The following LTBP1 variants were observed in gnomAD, a reference collection of about 807,000 sequenced individuals.
The protein encoded by LTBP1 is latent transforming growth factor beta binding protein 1, also known as latent-transforming growth factor beta-binding protein 1.
A neutral mutation model predicts 207.6 loss-of-function variants in LTBP1; 129 were observed. The ratio of observed to expected loss-of-function variants is 0.62; its 90% CI spans 0.54 to 0.72. LTBP1 has a LOEUF of 0.72. Ranked by LOEUF, LTBP1 falls within the 30% of genes least tolerant of loss-of-function variation. The probability of loss-of-function intolerance (pLI) is 0.00; values close to 1 mark genes in which losing one functional copy is unlikely to be tolerated. For synonymous variants in LTBP1, 963 were observed against 833.7 expected (o/e 1.16, Z -2.67); for missense variants, 2,281 against 2,217.2 (o/e 1.03, Z -0.58).
intron 4 of LTBP1, among the ~76,000 whole-genome samples, chr2:33,118,584 G>A (rs2080913082): frequency 6.6e-6 from 1 of 152,188 alleles, no homozygotes; most frequent in Non-Finnish European, 1.5e-5. Context: ...TTTTTGGTTT[G>A]AAAGCCTAGA....
chr2:33,235,777 A>T (rs2092014528), intron 9 of LTBP1, among the ~76,000 whole-genome samples: 1 of 152,234 alleles, frequency 6.6e-6, no homozygotes, highest in Non-Finnish European at 1.5e-5. Context: ...GCTGGAAACC[A>T]TCATTCTTAG....
chr2:33,260,011 T>G (rs2092967757), intron 13 of LTBP1, among the ~76,000 whole-genome samples: 1 of 152,218 alleles, frequency 6.6e-6, no homozygotes, highest in Non-Finnish European at 1.5e-5. Flanking sequence ...GTTAGTGAAG[T>G]ACTTCTTAGT....
intron 2 of LTBP1, among the ~76,000 whole-genome samples, chr2:33,002,376 A>C (rs904067738): frequency 1.3e-5 from 2 of 152,144 alleles, no homozygotes; most frequent in Admixed American, 6.5e-5. Context: ...TTGGGTGGGT[A>C]AGGACAGGTA....
intron 2 of LTBP1, among the ~76,000 whole-genome samples, chr2:32,980,884 T>C (rs1189192784): frequency 1.3e-5 from 2 of 152,226 alleles, no homozygotes; most frequent in African/African-American, 4.8e-5. Context: ...TTTCAGGACT[T>C]TAAATATGTC....
At chr2:33,284,862 A>G (rs2093631890) in intron 19 of LTBP1, among the ~76,000 whole-genome samples, 1 of 152,188 alleles carries the variant, frequency 6.6e-6, no homozygotes, top group South Asian at 2.1e-4. Context: ...CTTTCTTGCC[A>G]GAATGAAGTA....
At chr2:32,989,831 A>G (rs1003714995) in intron 2 of LTBP1, among the ~76,000 whole-genome samples, 6 of 152,206 alleles carry the variant, frequency 3.9e-5, no homozygotes, top group African/African-American at 1.4e-4. Context: ...TAGCATCCTC[A>G]TTGGTAAATG....
At chr2:32,998,172 C>T (rs1020581482) in intron 2 of LTBP1, among the ~76,000 whole-genome samples, 1 of 152,082 alleles carries the variant, frequency 6.6e-6, no homozygotes, top group African/African-American at 2.4e-5. Context: ...GCCTGGCGAC[C>T]TCTGTTTTTG....
intron 5 of LTBP1, among the ~76,000 whole-genome samples, chr2:33,177,659 C>A (rs112751612): frequency 0.052 from 7,951 of 152,150 alleles, 685 homozygotes; most frequent in African/African-American, 0.18. Context: ...CAGAGTGAGA[C>A]CTTGTCTCAA....
chr2:33,284,586 A>G (rs561333132), intron 19 of LTBP1, among the ~76,000 whole-genome samples: 5 of 152,260 alleles, frequency 3.3e-5, no homozygotes, highest in South Asian at 4.2e-4. Context: ...GGCTATTTCA[A>G]CCAAGTCCTT....
intron 20 of LTBP1, among the ~76,000 whole-genome samples, chr2:33,297,688 T>C (rs1310696619): frequency 2.6e-5 from 4 of 152,084 alleles, no homozygotes; most frequent in African/African-American, 7.2e-5. Flanking sequence ...CCTCCCAAAG[T>C]GCTGGTATTA....
intron 21 of LTBP1, among the ~76,000 whole-genome samples, chr2:33,300,974 A>T (rs987174746): frequency 1.3e-5 from 2 of 152,120 alleles, no homozygotes; most frequent in African/African-American, 4.8e-5. Context: ...TTTGTATTTA[A>T]CGTTGAAAAA....
intron 5 of LTBP1, among the ~76,000 whole-genome samples, chr2:33,151,855 G>T (rs868176856): frequency 1.3e-5 from 2 of 149,826 alleles, no homozygotes; most frequent in African/African-American, 2.5e-5. Context: ...GTGTGTGTGT[G>T]TGTGTGTGTG....
chr2:33,254,270 G>A (rs1276184403), intron 11 of LTBP1, among the ~76,000 whole-genome samples: 4 of 151,912 alleles, frequency 2.6e-5, no homozygotes, highest in Non-Finnish European at 1.5e-5. Context: ...AATTTATTAT[G>A]CGTATTATTT....
At chr2:32,969,227 ATTTG>A (rs1368126454) in intron 2 of LTBP1, among the ~76,000 whole-genome samples, 1,661 of 92,610 alleles carry the variant, frequency 0.018, 25 homozygotes, top group African/African-American at 0.034. Flanking sequence ...CACCTGGCCA[ATTTG>A]TGTGTGTGTG....
chr2:32,993,742 G>A (rs182633656), intron 2 of LTBP1, among the ~76,000 whole-genome samples: 2,123 of 152,258 alleles, frequency 0.014, 147 homozygotes, highest in Admixed American at 0.13. Flanking sequence ...GGGAAGCGCT[G>A]GGGGTCAGGG....
At chr2:33,046,186 T>G (rs1328371012) in intron 3 of LTBP1, among the ~76,000 whole-genome samples, 2 of 152,230 alleles carry the variant, frequency 1.3e-5, no homozygotes, top group African/African-American at 4.8e-5. Context: ...ATTCTTGTCT[T>G]GTGATGGTTT....
rs1558898408 is a variant in LTBP1 at position 33,257,426 on chromosome 2, T to C, written c.2310T>C (p.His770=). 1 of 1,614,192 alleles carries C rather than the reference T, an allele frequency of 6.2e-7. No homozygotes were observed. The highest frequency in any genetic ancestry group is 2.2e-5 in the East Asian group (1 of 44,878). The change falls in exon 12 of 34, where the codon CAT becomes CAC. Residue 770 remains histidine (H), a synonymous_variant. Coordinates refer to ENST00000404816, the MANE Select transcript of LTBP1 (RefSeq NM_206943.4). ...CTCAACCTGTTGCTAAAAGTACTCA[T>C]CCTCCACCTCTCCCAGCCAAGGAAG... ...KNTQPVAKST[H]PPPLPAKEEP... is the part of the protein sequence containing the mutation.
At chr2:32,982,474 C>A (rs1682911154) in intron 2 of LTBP1, among the ~76,000 whole-genome samples, 1 of 152,196 alleles carries the variant, frequency 6.6e-6, no homozygotes, top group Admixed American at 6.5e-5. Flanking sequence ...GAGCCCAAGA[C>A]AGTGGGCTTA....
chr2:32,977,905 T>C (rs1292069164), intron 2 of LTBP1, among the ~76,000 whole-genome samples: 4 of 152,218 alleles, frequency 2.6e-5, no homozygotes, highest in African/African-American at 9.6e-5. Flanking sequence ...CATCAATGTT[T>C]TGTAGTTTTC....
Sources: allele counts gnomAD v4.1 joint callset (sites outside exome capture counted in the v4.1 genomes callset), GRCh38; gene constraint gnomAD v4.1.1; transcripts MANE v1.5; gene names NCBI Gene and HGNC (gene_info 2026-07-23, HGNC 2026-07-21).